The following SLCO6A1 variants were observed in gnomAD, a reference collection of about 807,000 sequenced individuals.
SLCO6A1 encodes the protein solute carrier organic anion transporter family member 6A1.
In SLCO6A1, 65 loss-of-function variants were observed where a neutral mutation model predicts 72.7. The observed-to-expected ratio is 0.89, with a 90% confidence interval of 0.73 to 1.10. The LOEUF (loss-of-function observed/expected upper bound fraction) is 1.10. Among genes scored for constraint, SLCO6A1 ranks in the 50% least tolerant of loss-of-function variants. SLCO6A1 has a pLI of 0.00. For synonymous variants in SLCO6A1, 314 were observed against 298.2 expected (o/e 1.05, Z -0.55); for missense variants, 874 against 872.6 (o/e 1.00, Z -0.02).
chr5:102,495,821 GA>G, intron 1 of SLCO6A1, among the ~76,000 whole-genome samples: 1 of 152,164 alleles, frequency 6.6e-6, no homozygotes, highest in East Asian at 1.9e-4. Flanking sequence ...CTGGTCATCA[GA>G]AAACATCAAA....
chr5:102,491,183 A>T (rs1442915755), intron 1 of SLCO6A1, among the ~76,000 whole-genome samples: 1 of 152,088 alleles, frequency 6.6e-6, no homozygotes, highest in Admixed American at 6.5e-5. Context: ...GCATTCACAA[A>T]CCCTGAGCTA....
chr5:102,384,342 T>G (rs1187906611), intron 12 of SLCO6A1, among the ~76,000 whole-genome samples: 1 of 151,996 alleles, frequency 6.6e-6, no homozygotes, highest in Non-Finnish European at 1.5e-5. Context: ...TATTGATAGT[T>G]AAGGACTCAC....
At chr5:102,457,832 G>A (rs1750811269) in intron 6 of SLCO6A1, among the ~76,000 whole-genome samples, 1 of 152,126 alleles carries the variant, frequency 6.6e-6, no homozygotes, top group Admixed American at 6.6e-5. Flanking sequence ...ATTCACAATA[G>A]CAAAGACTTG....
chr5:102,381,427 G>C (rs1406476757), intron 12 of SLCO6A1, among the ~76,000 whole-genome samples: 1 of 151,700 alleles, frequency 6.6e-6, no homozygotes, highest in Admixed American at 6.6e-5. Flanking sequence ...AGGATGAATA[G>C]TATTCCATTG....
chr5:102,381,482 A>G lies in SLCO6A1; in HGVS notation c.2017+7206T>C, dbSNP rs1580322416. Among the ~76,000 whole-genome samples, 3 of 151,858 alleles carry G rather than the reference A, an allele frequency of 2.0e-5. No individual in the cohort carries two copies. In the South Asian group the frequency reaches 6.2e-4, roughly 31 times the overall value. The stretch of plus-strand genomic sequence containing the variant: ...TCCATTGTCTATTTATCTGTCAATG[A>G]GCACCTAGGTTATTTCCATACCTTG... On this transcript the variant is annotated intron_variant, in intron 12 of 13. Transcript: ENST00000506729.
chr5:102,393,000 T>G (rs929486082), intron 10 of SLCO6A1, among the ~76,000 whole-genome samples: 1 of 152,148 alleles, frequency 6.6e-6, no homozygotes, highest in African/African-American at 2.4e-5. Flanking sequence ...AAAGGCATTT[T>G]CAAAATGACC....
intron 7 of SLCO6A1, among the ~76,000 whole-genome samples, chr5:102,423,394 A>G (rs1748714099): frequency 2.0e-5 from 3 of 152,206 alleles, no homozygotes; most frequent in Admixed American, 2.0e-4. Flanking sequence ...ATGTGCAAAG[A>G]CACACATAGG....
intron 7 of SLCO6A1, among the ~76,000 whole-genome samples, chr5:102,420,764 C>A (rs1350498701): frequency 6.6e-6 from 1 of 152,002 alleles, no homozygotes; most frequent in Non-Finnish European, 1.5e-5. Flanking sequence ...CCCATTAACA[C>A]TAGATTAAAT....
At chr5:102,380,551 C>A (rs535243128) in intron 12 of SLCO6A1, among the ~76,000 whole-genome samples, 1 of 151,968 alleles carries the variant, frequency 6.6e-6, no homozygotes, top group Non-Finnish European at 1.5e-5. Flanking sequence ...TACTGGAGTT[C>A]ATTCTTAGCA....
chr5:102,420,944 A>ACCAC (rs1748560786), intron 7 of SLCO6A1, among the ~76,000 whole-genome samples: 1 of 152,100 alleles, frequency 6.6e-6, no homozygotes, highest in Admixed American at 6.6e-5. Flanking sequence ...GACTCATTAG[A>ACCAC]TAGCGGGTGT....
intron 13 of SLCO6A1, 36 bp downstream of exon 13, chr5:102,373,301 T>C (rs1750725308): frequency 1.5e-6 from 2 of 1,325,458 alleles, no homozygotes; most frequent in Non-Finnish European, 2.0e-6. Flanking sequence ...TTAATATTAA[T>C]ATTTCATTGA....
intron 8 of SLCO6A1, among the ~76,000 whole-genome samples, chr5:102,413,412 A>T (rs1452067): frequency 0.048 from 4,480 of 93,074 alleles, 207 homozygotes; most frequent in African/African-American, 0.14. Flanking sequence ...ACATAATAAT[A>T]AAAAAAAAAA....
intron 7 of SLCO6A1, among the ~76,000 whole-genome samples, chr5:102,424,146 C>G (rs1355755823): frequency 6.6e-6 from 1 of 152,112 alleles, no homozygotes; most frequent in Non-Finnish European, 1.5e-5. Flanking sequence ...ATTTATAGCA[C>G]TAAATGCCCA....
intron 8 of SLCO6A1, among the ~76,000 whole-genome samples, chr5:102,414,864 C>T (rs952008023): frequency 3.3e-5 from 5 of 151,842 alleles, no homozygotes; most frequent in Admixed American, 1.3e-4. Context: ...CACGGCACTG[C>T]AGCCTGGGCA....
At chr5:102,482,698 A>T (rs1252757653) in intron 1 of SLCO6A1, among the ~76,000 whole-genome samples, 1 of 152,224 alleles carries the variant, frequency 6.6e-6, no homozygotes, top group Non-Finnish European at 1.5e-5. Context: ...CTGTAAAATT[A>T]GTTCCTTAAT....
chr5:102,419,684 T>C (rs1748479748), intron 8 of SLCO6A1, 142 bp downstream of exon 8: 2 of 666,210 alleles, frequency 3.0e-6, no homozygotes, highest in South Asian at 2.5e-5. Flanking sequence ...ATTTAAACTG[T>C]ACTTTATATT....
At chr5:102,376,584 C>T (rs1745805707) in intron 12 of SLCO6A1, among the ~76,000 whole-genome samples, 2 of 151,946 alleles carry the variant, frequency 1.3e-5, no homozygotes, top group Admixed American at 1.3e-4. Context: ...GATGTATTAA[C>T]CAACCTACAA....
intron 11 of SLCO6A1, 32 bp from the exon 12 acceptor site, chr5:102,388,857 G>C: frequency 6.3e-7 from 1 of 1,577,598 alleles, no homozygotes; most frequent in Non-Finnish European, 8.6e-7. Context: ...TAAATTCTTT[G>C]TGAAAACACT....
rs1408996256 is a variant in SLCO6A1, at chr5:102,498,945, A to G, written c.-101T>C. The G allele has an allele frequency of 4.3e-5, 50 of 1,160,700 alleles. No homozygotes were observed. Among genetic ancestry groups the G allele is most frequent in the Non-Finnish European group, 5.8e-5 (48 of 824,700 alleles). 71.9% of individuals were successfully genotyped at this position (1,160,700 alleles called of 1,614,324 possible). A position where few individuals can be genotyped will look rare whatever the true frequency, so the allele number is the denominator to read the frequency against. ...GCCAGCCTGGCGAGGGCGTCGGAGG[A>G]CTCGGTGGCCACAAGGGGCTCTTGC... is the stretch of plus-strand genomic sequence containing the variant. On this transcript the variant is annotated 5_prime_UTR_variant, in exon 1 of 14. Coordinates refer to ENST00000506729, the MANE Select transcript of SLCO6A1 (RefSeq NM_173488.5).
Sources: allele counts gnomAD v4.1 joint callset (sites outside exome capture counted in the v4.1 genomes callset), GRCh38; gene constraint gnomAD v4.1.1; transcripts MANE v1.5; gene names NCBI Gene and HGNC (gene_info 2026-07-23, HGNC 2026-07-21).